The following MCPH1 variants were observed in gnomAD, a reference collection of about 807,000 sequenced individuals.
MCPH1 encodes the protein microcephalin 1, also known as microcephalin.
MCPH1 carries 104 observed loss-of-function variants against 84.5 expected under a neutral mutation model. The observed-to-expected ratio is 1.23, with a 90% CI of 1.05 to 1.45. MCPH1 has a LOEUF of 1.45. MCPH1 is among the 40% of genes most tolerant of loss of function. The pLI is 0.00. For missense variants in MCPH1, 1,498 were observed against 1,005.7 expected (o/e 1.49, Z -6.62); for synonymous variants, 514 against 366.8 (o/e 1.40, Z -4.58).
At chr8:6,466,222 C>T (rs2916732) in intron 9 of MCPH1, among the ~76,000 whole-genome samples, 3,180 of 150,984 alleles carry the variant, frequency 0.021, 121 homozygotes, top group African/African-American at 0.074. Context: ...TTGCAACCTC[C>T]GCTTCCCAGG....
Position 6,533,439 on chromosome 8 carries a change from T to C in MCPH1, c.2214+33510T>C, listed in dbSNP as rs558033545. Among the ~76,000 whole-genome samples, 4 of 152,266 alleles carry C rather than the reference T, an allele frequency of 2.6e-5. No individual in the cohort carries two copies. The South Asian group carries it at 8.3e-4, about 32-fold the overall frequency. Reference sequence around the variant, plus strand: ...TGGTTCTAGGAAAGTTGCTTAACCTTTTGGGACCCTAGTTTCCTCATATGT... The same window carrying C: ...TGGTTCTAGGAAAGTTGCTTAACCTCTTGGGACCCTAGTTTCCTCATATGT... On this transcript the variant is annotated intron_variant, in intron 12 of 13. Transcript: ENST00000344683.
chr8:6,560,539 C>G (rs1240104344), intron 12 of MCPH1, among the ~76,000 whole-genome samples: 1 of 152,156 alleles, frequency 6.6e-6, no homozygotes, highest in East Asian at 1.9e-4. Context: ...TGCAAATTGC[C>G]TTTCTCAGGT....
At chr8:6,576,166 G>A (rs1827075692) in intron 12 of MCPH1, among the ~76,000 whole-genome samples, 1 of 152,080 alleles carries the variant, frequency 6.6e-6, no homozygotes, top group Admixed American at 6.6e-5. Context: ...CTCAGGAGGG[G>A]GTGAAAAAAG....
chr8:6,431,669 A>G (rs1801862321), intron 4 of MCPH1, 83 bp downstream of exon 4: 6 of 930,416 alleles, frequency 6.4e-6, no homozygotes, highest in Non-Finnish European at 1.0e-5. Flanking sequence ...TAAAACTTCT[A>G]GAAATATATT....
chr8:6,434,436 A>T (rs1002559701), intron 4 of MCPH1, among the ~76,000 whole-genome samples: 1 of 152,206 alleles, frequency 6.6e-6, no homozygotes, highest in Admixed American at 6.5e-5. Flanking sequence ...ACCACTGTCT[A>T]ATTAGTACAT....
rs975060221 is a variant in MCPH1 at position 6,484,106 on chromosome 8, CTG to C, written c.2136+3233_2136+3234del. Among the ~76,000 whole-genome samples the C allele has an allele frequency of 3.3e-5, 5 of 152,202 alleles. No homozygotes were observed. In the East Asian group the frequency reaches 7.7e-4, roughly 23 times the overall value. ...TTCATCAAAATTGAAAGCTTTTACT[CTG>C]TGAAAGATATTATGAAGAGATCAGA... On this transcript the variant is annotated intron_variant, in intron 11 of 13. Coordinates refer to ENST00000344683, the MANE Select transcript of MCPH1 (RefSeq NM_024596.5).
chr8:6,417,091 A>G (rs747064191), intron 3 of MCPH1, among the ~76,000 whole-genome samples: 3 of 151,854 alleles, frequency 2.0e-5, no homozygotes, highest in Non-Finnish European at 2.9e-5. Context: ...TTTAAAATTT[A>G]TTTTGTTTAG....
intron 3 of MCPH1, among the ~76,000 whole-genome samples, chr8:6,418,643 C>T (rs1389928279): frequency 2.6e-5 from 4 of 151,968 alleles, no homozygotes; most frequent in Admixed American, 6.6e-5. Context: ...AGTGCAGTGG[C>T]GCGATCTGTG....
intron 12 of MCPH1, among the ~76,000 whole-genome samples, chr8:6,517,495 G>T (rs1670904101): frequency 6.6e-6 from 1 of 152,202 alleles, no homozygotes; most frequent in Non-Finnish European, 1.5e-5. Flanking sequence ...AACTAAAGCT[G>T]CAGTATTTTG....
Position 6,421,847 on chromosome 8 carries a change from C to G in MCPH1, c.233+6964C>G, listed in dbSNP as rs539663689. Among the ~76,000 whole-genome samples the G allele has an allele frequency of 2.6e-5, 4 of 152,260 alleles. No individual in the cohort carries two copies. In the South Asian group the frequency reaches 8.3e-4, roughly 32 times the overall value. ...CTCCCCTCTCCCTTGTTTGCGTCTT[C>G]CAAATGCTCTGGGCTTCCACGTCCC... On this transcript the variant is annotated intron_variant, in intron 3 of 13. Coordinates refer to ENST00000344683, the MANE Select transcript of MCPH1 (RefSeq NM_024596.5).
At chr8:6,592,623 G>GTTTTTTTTTTTT (rs573651366) in intron 12 of MCPH1, among the ~76,000 whole-genome samples, 12 of 77,550 alleles carry the variant, frequency 1.5e-4, no homozygotes, top group South Asian at 5.3e-4. Context: ...TCTTTTTTTT[G>GTTTTTTTTTTTT]TTTTTTTTTT....
intron 13 of MCPH1, among the ~76,000 whole-genome samples, chr8:6,624,619 G>A (rs978919182): frequency 6.6e-5 from 10 of 152,192 alleles, no homozygotes; most frequent in African/African-American, 1.7e-4. Context: ...TTTTCTGTCC[G>A]TACATACTTC....
At chr8:6,629,122 A>G (rs1307862960) in intron 13 of MCPH1, among the ~76,000 whole-genome samples, 1 of 152,252 alleles carries the variant, frequency 6.6e-6, no homozygotes, top group African/African-American at 2.4e-5. Flanking sequence ...AGGTAACATG[A>G]GGTCATAAGG....
intron 9 of MCPH1, among the ~76,000 whole-genome samples, chr8:6,468,508 A>T (rs1807281479): frequency 6.6e-6 from 1 of 152,206 alleles, no homozygotes. Flanking sequence ...AGCTAGGTGC[A>T]TGTGTAGACC....
intron 12 of MCPH1, among the ~76,000 whole-genome samples, chr8:6,522,082 G>A (rs1381074534): frequency 1.3e-5 from 2 of 152,184 alleles, no homozygotes; most frequent in Non-Finnish European, 2.9e-5. Flanking sequence ...CTGGCCGGGC[G>A]CAGTGGCTCA....
intron 5 of MCPH1, among the ~76,000 whole-genome samples, chr8:6,437,487 C>T (rs1802835289): frequency 1.3e-5 from 2 of 152,162 alleles, no homozygotes; most frequent in African/African-American, 2.4e-5. Context: ...CTTCAGCCTC[C>T]CAAAGTGCTG....
At chr8:6,407,809 G>T (rs1243613254) in intron 1 of MCPH1, among the ~76,000 whole-genome samples, 1 of 152,110 alleles carries the variant, frequency 6.6e-6, no homozygotes, top group African/African-American at 2.4e-5. Context: ...TGCCCCCCAG[G>T]CCATATCTAG....
At chr8:6,558,827 A>G (rs1237552339) in intron 12 of MCPH1, among the ~76,000 whole-genome samples, 1 of 152,200 alleles carries the variant, frequency 6.6e-6, no homozygotes. Context: ...TATGTATAAT[A>G]TATAATCCAT....
At chr8:6,523,493 C>G (rs530317952) in intron 12 of MCPH1, among the ~76,000 whole-genome samples, 1 of 152,266 alleles carries the variant, frequency 6.6e-6, no homozygotes, top group African/African-American at 2.4e-5. Flanking sequence ...GGAAACAAAT[C>G]CAAGAGAGTA....
Sources: gnomAD v4.1 joint callset for allele counts (sites outside exome capture counted in the v4.1 genomes callset) on GRCh38, gnomAD v4.1.1 for gene constraint, MANE v1.5 for transcripts, NCBI Gene and HGNC (gene_info 2026-07-23, HGNC 2026-07-21) for gene names.